The following ATP6V0D2 variants were observed in gnomAD, a reference collection of about 807,000 sequenced individuals.
The protein encoded by ATP6V0D2 is ATPase H+ transporting V0 subunit d2.
Under a neutral mutation model 40.0 loss-of-function variants are expected in ATP6V0D2, and 40 were observed. The ratio of observed to expected loss-of-function variants is 1.00; its 90% CI spans 0.78 to 1.30. The LOEUF (loss-of-function observed/expected upper bound fraction) is 1.30. Among genes scored for constraint, ATP6V0D2 ranks in the 50% most tolerant of loss-of-function variants. The probability of loss-of-function intolerance (pLI) is 0.00; values close to 1 mark genes in which losing one functional copy is unlikely to be tolerated. For missense variants in ATP6V0D2, 470 were observed against 423.1 expected, an observed-to-expected ratio of 1.11 and a Z score of -0.97; for synonymous variants, 179 against 156.3, an observed-to-expected ratio of 1.15 and a Z score of -1.08.
chr8:86,146,597 G>A (rs757310466), intron 5 of ATP6V0D2, among the ~76,000 whole-genome samples: 2 of 152,178 alleles, frequency 1.3e-5, no homozygotes, highest in African/African-American at 2.4e-5. Flanking sequence ...TCAGGAGGCT[G>A]AGGTGGGAAG....
intron 1 of ATP6V0D2, among the ~76,000 whole-genome samples, chr8:86,108,321 T>C (rs183245720): frequency 1.3e-5 from 2 of 152,144 alleles, no homozygotes; most frequent in Non-Finnish European, 2.9e-5. Context: ...TTTTTTTCTT[T>C]TGTAGAGTTG....
chr8:86,104,945 G>T (rs1199556409), intron 1 of ATP6V0D2, among the ~76,000 whole-genome samples: 1 of 151,718 alleles, frequency 6.6e-6, no homozygotes, highest in Non-Finnish European at 1.5e-5. Flanking sequence ...CACCTTGTAA[G>T]CCCTTCGTCA....
chr8:86,115,666 G>A (rs906244351), intron 2 of ATP6V0D2, among the ~76,000 whole-genome samples: 3 of 151,908 alleles, frequency 2.0e-5, no homozygotes, highest in African/African-American at 7.3e-5. Flanking sequence ...CACCATGCCC[G>A]GCCTCCATCA....
rs778584582 is a variant in ATP6V0D2, at chr8:86,141,521, C to A, written c.553C>A (p.Leu185Ile). Residue 185 changes from leucine (L) to isoleucine (I), a missense_variant, in exon 4 of 8, where the codon CTA becomes ATA. Coordinates refer to ENST00000285393, the MANE Select transcript of ATP6V0D2 (RefSeq NM_152565.1). ...GAATATTGAATTGCTACGCAATAAA[C>A]TATACAAGGTAATGGTTTTCCCAAA... is the stretch of plus-strand genomic sequence containing the variant. ...ELNIELLRNK[L>I]YKSYLEAFYK... The A allele has an allele frequency of 1.1e-5, 17 of 1,601,280 alleles. No homozygotes were observed. Among genetic ancestry groups the A allele is most frequent in the Non-Finnish European group, 1.5e-5 (17 of 1,171,102 alleles).
chr8:86,145,223 GAAAGAAAGAA>G (rs1819037145), intron 5 of ATP6V0D2, among the ~76,000 whole-genome samples: 6 of 31,658 alleles, frequency 1.9e-4, no homozygotes, highest in Admixed American at 6.3e-4. Flanking sequence ...AAGAAAGAAA[GAAAGAAAGAA>G]AGAGAGAGAG....
chr8:86,108,243 G>A (rs1361790405), intron 1 of ATP6V0D2, among the ~76,000 whole-genome samples: 1 of 152,138 alleles, frequency 6.6e-6, no homozygotes, highest in Non-Finnish European at 1.5e-5. Flanking sequence ...CCAGGCTCAA[G>A]CAATTCTCCC....
At chr8:86,134,598 G>GA (rs781187781) in intron 2 of ATP6V0D2, among the ~76,000 whole-genome samples, 12 of 152,248 alleles carry the variant, frequency 7.9e-5, no homozygotes, top group Non-Finnish European at 1.5e-4. Flanking sequence ...CAGCTACTCT[G>GA]AAAAATAGTC....
chr8:86,152,963 A>C lies in ATP6V0D2; in HGVS notation c.1039A>C (p.Ile347Leu), dbSNP rs777431472. The change falls in exon 8 of 8, where the codon ATT (isoleucine) becomes CTT (leucine). Residue 347 changes from isoleucine (I) to leucine (L), a missense_variant. Physicochemically the swap from Ile to Leu is conservative, Grantham distance 5. Transcript: ENST00000285393. ...GCATCGAACTAAAATCAACAGTTAC[A>C]TTCCAATTTTATAACCCAAGTAAGG... ...QRHRTKINSY[I>L]PIL is the part of the protein sequence containing the mutation. The C allele has an allele frequency of 1.9e-6, 3 of 1,601,084 alleles. No individual in the cohort carries two copies. The South Asian group carries it at 3.4e-5, about 18-fold the overall frequency.
intron 5 of ATP6V0D2, among the ~76,000 whole-genome samples, chr8:86,146,939 G>T (rs571512172): frequency 6.6e-6 from 1 of 151,808 alleles, no homozygotes; most frequent in African/African-American, 2.4e-5. Flanking sequence ...ACTTAATATG[G>T]TAGAAGAGAC....
chr8:86,129,103 G>A (rs535638529), intron 2 of ATP6V0D2, among the ~76,000 whole-genome samples: 208 of 152,316 alleles, frequency 1.4e-3, no homozygotes, highest in Non-Finnish European at 1.4e-3. Flanking sequence ...GGCACTCTAC[G>A]AGTGCTTTCA....
At position 86,152,882 on chromosome 8, in the gene ATP6V0D2, C is replaced by G; in HGVS notation, c.958C>G (p.Leu320Val). The G allele has an allele frequency of 6.2e-7, 1 of 1,612,566 alleles. No individual in the cohort carries two copies. Among genetic ancestry groups the G allele is most frequent in the Non-Finnish European group, 8.5e-7 (1 of 1,179,368 alleles). ...CGGTGTGTTTTATGCATATGTAAAG[C>G]TGAAGGAACAGGAAATTAGAAATAT... ...HYGVFYAYVK[L>V]KEQEIRNIVW... Residue 320 changes from leucine to valine, a missense_variant, in exon 8 of 8, where the codon CTG becomes GTG. Coordinates refer to ENST00000285393, the MANE Select transcript of ATP6V0D2 (RefSeq NM_152565.1).
intron 2 of ATP6V0D2, among the ~76,000 whole-genome samples, chr8:86,124,549 CT>C (rs979760696): frequency 3.8e-4 from 58 of 152,142 alleles, no homozygotes; most frequent in African/African-American, 1.3e-3. Context: ...GTGAGAAATT[CT>C]TATAACCAGT....
chr8:86,122,712 A>T (rs1818685755), intron 2 of ATP6V0D2, among the ~76,000 whole-genome samples: 1 of 152,246 alleles, frequency 6.6e-6, no homozygotes, highest in African/African-American at 2.4e-5. Flanking sequence ...AACCTAGAGG[A>T]CTGAAACAAT....
At chr8:86,121,617 G>A (rs1415575094) in intron 2 of ATP6V0D2, among the ~76,000 whole-genome samples, 1 of 151,286 alleles carries the variant, frequency 6.6e-6, no homozygotes, top group Non-Finnish European at 1.5e-5. Context: ...GGAGGAGGAG[G>A]AGAAGGAGAA....
intron 2 of ATP6V0D2, among the ~76,000 whole-genome samples, chr8:86,129,599 G>A (rs1429382742): frequency 1.3e-5 from 2 of 152,084 alleles, no homozygotes; most frequent in Non-Finnish European, 2.9e-5. Flanking sequence ...ATCATCTGAG[G>A]TCAGGAATTC....
At chr8:86,120,931 C>G (rs1243832102) in intron 2 of ATP6V0D2, among the ~76,000 whole-genome samples, 1 of 152,018 alleles carries the variant, frequency 6.6e-6, no homozygotes, top group African/African-American at 2.4e-5. Context: ...ATTCTTGACC[C>G]CTACTTCAGT....
chr8:86,106,866 T>G (rs762680806), intron 1 of ATP6V0D2, among the ~76,000 whole-genome samples: 1 of 152,112 alleles, frequency 6.6e-6, no homozygotes, highest in Non-Finnish European at 1.5e-5. Context: ...CATTTGGAGC[T>G]GTGGAGAGTA....
At chr8:86,129,140 C>T (rs1818784479) in intron 2 of ATP6V0D2, among the ~76,000 whole-genome samples, 1 of 152,214 alleles carries the variant, frequency 6.6e-6, no homozygotes, top group Non-Finnish European at 1.5e-5. Context: ...TGATGCCAAC[C>T]ATTCAAAGTT....
intron 2 of ATP6V0D2, among the ~76,000 whole-genome samples, chr8:86,119,281 T>G (rs1238807801): frequency 6.8e-6 from 1 of 146,512 alleles, no homozygotes; most frequent in Non-Finnish European, 1.5e-5. Context: ...CAGGCTATAG[T>G]GCAGTGGCGC....
Sources: allele counts gnomAD v4.1 joint callset (sites outside exome capture counted in the v4.1 genomes callset), GRCh38; gene constraint gnomAD v4.1.1; transcripts MANE v1.5; gene names NCBI Gene and HGNC (gene_info 2026-07-23, HGNC 2026-07-21).